ANKRD30B: variants seen among roughly 807,000 people sequenced by gnomAD.
ANKRD30B encodes ankyrin repeat domain-containing protein 30B.
Under a neutral mutation model 202.2 loss-of-function variants are expected in ANKRD30B, and 144 were observed. That is an observed-to-expected ratio of 0.71 (90% CI 0.62 to 0.82). The LOEUF (loss-of-function observed/expected upper bound fraction) is 0.82, where lower values mean the gene tolerates loss of function less well. ANKRD30B is among the 40% of genes least tolerant of loss of function. ANKRD30B has a pLI of 0.00. For missense variants in ANKRD30B, 1,487 were observed against 1,669.1 expected (o/e 0.89, Z 1.90); for synonymous variants, 508 against 561.3 (o/e 0.91, Z 1.34).
At chr18:14,921,407 G>A in the ANKRD30B span, among the ~76,000 whole-genome samples, 13 of 150,932 alleles carry the variant, frequency 8.6e-5, no homozygotes, top group Admixed American at 7.2e-4. Flanking sequence ...AATGAGGCGC[G>A]TGTTTAGATA....
Position 14,788,905 on chromosome 18 carries a change from C to T in ANKRD30B, c.1734+1805C>T, listed in dbSNP as rs374290551. ...CATGATTTATAGTCCTTTGGGTATA[C>T]ACCCAGTAATGGGATGACTGGGTCA... On this transcript the variant is annotated intron_variant, in intron 15 of 43. Transcript: ENST00000690538. Among the ~76,000 whole-genome samples, 10 of 152,290 alleles carry T rather than the reference C, an allele frequency of 6.6e-5. No homozygotes were observed. The South Asian group carries it at 8.3e-4, about 13-fold the overall frequency.
At chr18:14,758,427 G>T (rs959911477) in intron 5 of ANKRD30B, among the ~76,000 whole-genome samples, 1 of 152,128 alleles carries the variant, frequency 6.6e-6, no homozygotes, top group Non-Finnish European at 1.5e-5. Flanking sequence ...TTGCTGCGCC[G>T]TTGCCATTGA....
At chr18:14,767,226 A>G (rs12954471) in intron 7 of ANKRD30B, among the ~76,000 whole-genome samples, 57,967 of 152,024 alleles carry the variant, frequency 0.38, 12,231 homozygotes, top group East Asian at 0.55. Flanking sequence ...TCACACAAAC[A>G]TAAACAAACA....
intron 4 of ANKRD30B, among the ~76,000 whole-genome samples, chr18:14,755,634 A>G (rs1177898858): frequency 1.3e-5 from 2 of 151,776 alleles, no homozygotes; most frequent in Non-Finnish European, 2.9e-5. Context: ...CTTCCCACCT[A>G]TGAGTGAGAA....
chr18:14,925,992 G>T, the ANKRD30B span, among the ~76,000 whole-genome samples: 1 of 151,996 alleles, frequency 6.6e-6, no homozygotes, highest in African/African-American at 2.4e-5. Flanking sequence ...ATAAATTTTG[G>T]GTTTTCAGAT....
intron 9 of ANKRD30B, among the ~76,000 whole-genome samples, chr18:14,774,247 G>T (rs943938479): frequency 1.3e-5 from 2 of 152,020 alleles, no homozygotes; most frequent in Non-Finnish European, 2.9e-5. Flanking sequence ...ACAAAAGTCT[G>T]TACTTTATGT....
intron 37 of ANKRD30B, among the ~76,000 whole-genome samples, chr18:14,841,396 T>C (rs898331439): frequency 1.3e-5 from 2 of 152,150 alleles, no homozygotes; most frequent in African/African-American, 4.8e-5. Context: ...ACCTCACTCT[T>C]AAGTAGCAAG....
At chr18:14,756,124 TG>T (rs1914317808) in intron 4 of ANKRD30B, among the ~76,000 whole-genome samples, 1 of 152,334 alleles carries the variant, frequency 6.6e-6, no homozygotes, top group South Asian at 2.1e-4. Context: ...TATCTCATTG[TG>T]GTTTTGATTT....
At chr18:14,795,397 A>G (rs901718555) in intron 16 of ANKRD30B, among the ~76,000 whole-genome samples, 3 of 152,076 alleles carry the variant, frequency 2.0e-5, no homozygotes, top group African/African-American at 7.2e-5. Context: ...GGGTTTCGCT[A>G]TTTTGGCCAG....
In ANKRD30B at chr18:14,779,394, T is replaced by C. The variant is rs564615009; in HGVS notation, c.1421-566T>C. Among the ~76,000 whole-genome samples, 5 of 152,336 alleles carry C rather than the reference T, an allele frequency of 3.3e-5. No homozygotes were observed. The South Asian group carries it at 6.2e-4, about 19-fold the overall frequency. On this transcript the variant is annotated intron_variant, in intron 10 of 43. Coordinates refer to ENST00000690538, the MANE Select transcript of ANKRD30B (RefSeq NM_001367607.2). ...TAATTAAAGCAGCTTTTAATTTATA[T>C]GCAGTACAAGTTCTTTAAGCTTATT...
chr18:14,839,493 C>T (rs1485445208), intron 36 of ANKRD30B, among the ~76,000 whole-genome samples: 1 of 152,190 alleles, frequency 6.6e-6, no homozygotes, highest in Non-Finnish European at 1.5e-5. Context: ...CCACCAATGT[C>T]ATCGTCATCC....
the ANKRD30B span, among the ~76,000 whole-genome samples, chr18:14,896,323 A>G: frequency 2.2e-4 from 33 of 152,042 alleles, no homozygotes; most frequent in African/African-American, 6.8e-4. Flanking sequence ...AGTAGAGACG[A>G]GGTTTCACCG....
chr18:14,898,294 C>CCG, the ANKRD30B span, among the ~76,000 whole-genome samples: 1 of 151,936 alleles, frequency 6.6e-6, no homozygotes, highest in East Asian at 1.9e-4. Flanking sequence ...GGATGGCAGC[C>CCG]GGGGGGAGGT....
chr18:14,854,899 TG>T (rs1972035969), downstream of ANKRD30B, among the ~76,000 whole-genome samples: 2 of 149,954 alleles, frequency 1.3e-5, no homozygotes, highest in Non-Finnish European at 1.5e-5. Context: ...CTTGGGGTGA[TG>T]CACTATGCTT....
downstream of ANKRD30B, among the ~76,000 whole-genome samples, chr18:14,855,311 C>T (rs1972049932): frequency 6.6e-6 from 1 of 152,234 alleles, no homozygotes; most frequent in South Asian, 2.1e-4. Flanking sequence ...CTTCTTTCTA[C>T]ACAGACACAG....
intron 16 of ANKRD30B, among the ~76,000 whole-genome samples, chr18:14,793,760 G>T (rs1033585158): frequency 6.6e-6 from 1 of 151,754 alleles, no homozygotes; most frequent in East Asian, 1.9e-4. Context: ...CGGGCGTGGC[G>T]GTGGGTGCCT....
At chr18:14,903,196 C>T in the ANKRD30B span, among the ~76,000 whole-genome samples, 1 of 152,158 alleles carries the variant, frequency 6.6e-6, no homozygotes, top group African/African-American at 2.4e-5. Context: ...GGCAACACTT[C>T]CCCTTCACCC....
chr18:14,916,180 G>A, the ANKRD30B span, among the ~76,000 whole-genome samples: 1 of 152,212 alleles, frequency 6.6e-6, no homozygotes, highest in Admixed American at 6.5e-5. Flanking sequence ...GTGCCTAAAG[G>A]GGGTGAGCAC....
At chr18:14,909,464 G>A in the ANKRD30B span, among the ~76,000 whole-genome samples, 1 of 152,338 alleles carries the variant, frequency 6.6e-6, no homozygotes, top group East Asian at 1.9e-4. Context: ...CTGGAGTGCA[G>A]TGGTGTGATC....
Sources: gnomAD v4.1 joint callset for allele counts (sites outside exome capture counted in the v4.1 genomes callset) on GRCh38, gnomAD v4.1.1 for gene constraint, MANE v1.5 for transcripts, NCBI Gene and HGNC (gene_info 2026-07-23, HGNC 2026-07-21) for gene names.